TCP11L2: variants seen among roughly 807,000 people sequenced by gnomAD.
The protein encoded by TCP11L2 is t-complex 11 like 2.
TCP11L2 carries 39 observed loss-of-function variants against 50.7 expected under a neutral mutation model. The observed-to-expected ratio is 0.77, with a 90% confidence interval of 0.60 to 1.01. TCP11L2 has a LOEUF of 1.01. TCP11L2 is among the 50% of genes least tolerant of loss of function. TCP11L2 has a pLI of 0.00. For synonymous variants in TCP11L2, 192 were observed against 219.3 expected, an observed-to-expected ratio of 0.88 and a Z score of 1.10; for missense variants, 612 against 614.7, an observed-to-expected ratio of 1.00 and a Z score of 0.05.
At chr12:106,340,611 C>T (rs1457108085) in intron 8 of TCP11L2, among the ~76,000 whole-genome samples, 4 of 152,200 alleles carry the variant, frequency 2.6e-5, no homozygotes, top group African/African-American at 9.6e-5. Flanking sequence ...TTAAACACTG[C>T]TACACAATTT....
At chr12:106,326,915 T>G (rs1028199013) in intron 6 of TCP11L2, among the ~76,000 whole-genome samples, 2 of 152,176 alleles carry the variant, frequency 1.3e-5, no homozygotes, top group African/African-American at 4.8e-5. Flanking sequence ...TTGTTTTAGC[T>G]TCAAAGGGGA....
At chr12:106,339,315 T>C (rs995923600) in intron 8 of TCP11L2, among the ~76,000 whole-genome samples, 1 of 152,244 alleles carries the variant, frequency 6.6e-6, no homozygotes, top group Non-Finnish European at 1.5e-5. Context: ...CCTTTGCCCA[T>C]TTTTTAATGA....
chr12:106,299,624 T>C (rs2034381752), upstream of TCP11L2, among the ~76,000 whole-genome samples: 1 of 152,084 alleles, frequency 6.6e-6, no homozygotes. Flanking sequence ...GGAAAGAAGC[T>C]TGGAACATAA....
intron 6 of TCP11L2, among the ~76,000 whole-genome samples, chr12:106,332,688 A>G (rs1471780295): frequency 6.6e-6 from 1 of 152,186 alleles, no homozygotes. Flanking sequence ...TCTTCCTGGC[A>G]CTGCAGACAT....
intron 6 of TCP11L2, chr12:106,329,400 C>A: frequency 1.3e-6 from 2 of 1,535,950 alleles, no homozygotes; most frequent in Non-Finnish European, 1.7e-6. Flanking sequence ...AGTCACCGTG[C>A]CAGCCTGTGA....
Position 106,323,540 on chromosome 12 carries a change from A to C in TCP11L2, c.666A>C (p.Gln222His), listed in dbSNP as rs2035419706. ...RQIFHVLDLM[Q>H]MDMANFTIMS... ...TATTCCATGTCCTGGACCTCATGCA[A>C]ATGGACATGGCCAATTTTACAATTA... is the stretch of plus-strand genomic sequence containing the variant. Residue 222 changes from glutamine (Q) to histidine (H), a missense_variant, in exon 6 of 10, where the codon CAA becomes CAC. Coordinates refer to ENST00000299045, the MANE Select transcript of TCP11L2 (RefSeq NM_152772.3). 1 of 1,608,096 alleles carries C rather than the reference A, an allele frequency of 6.2e-7. No individual in the cohort carries two copies. The highest frequency in any genetic ancestry group is 1.1e-5 in the South Asian group (1 of 90,106).
chr12:106,309,184 G>A (rs976538215), intron 1 of TCP11L2, among the ~76,000 whole-genome samples: 8 of 152,220 alleles, frequency 5.3e-5, no homozygotes, highest in Admixed American at 4.6e-4. Flanking sequence ...GGGTTTGGTG[G>A]CAGTGAAAGG....
At position 106,311,240 on chromosome 12, in the gene TCP11L2, G is replaced by A. The variant is rs771557746; in HGVS notation, c.157+8G>A. On this transcript the variant is annotated splice_region_variant and intron_variant, in intron 2 of 9. Coordinates refer to ENST00000299045, the MANE Select transcript of TCP11L2 (RefSeq NM_152772.3). The stretch of plus-strand genomic sequence containing the variant: ...AATCCAGCTCTCCTGCTTGTGAGCC[G>A]ATGGGGGAGCAGGGGTTGTGGGTGG... 5.0e-6 allele frequency: 8 copies of A among 1,612,970 alleles called. No individual in the cohort carries two copies. Among genetic ancestry groups the A allele is most frequent in the South Asian group, 1.1e-5 (1 of 91,036 alleles).
rs570633624 is a variant in TCP11L2 at position 106,337,204 on chromosome 12, C to T, written c.1142+991C>T. Among the ~76,000 whole-genome samples, 25 of 152,246 alleles carry T rather than the reference C, an allele frequency of 1.6e-4. No individual in the cohort carries two copies. In the South Asian group the frequency reaches 3.7e-3, roughly 23 times the overall value. On this transcript the variant is annotated intron_variant, in intron 8 of 9. Transcript: ENST00000299045. Reference sequence around the variant, plus strand: ...ATTCCTGTAATTGAAGGGAAATGCACCTGTCTTCTCATCCTCCCACCTATT... The same window carrying T: ...ATTCCTGTAATTGAAGGGAAATGCATCTGTCTTCTCATCCTCCCACCTATT...
chr12:106,299,609 C>A (rs1457862165), upstream of TCP11L2, among the ~76,000 whole-genome samples: 2 of 152,096 alleles, frequency 1.3e-5, no homozygotes, highest in African/African-American at 4.8e-5. Flanking sequence ...ATGAAGCCAG[C>A]CGTGGGAAAG....
At chr12:106,323,417 G>A in intron 5 of TCP11L2, 93 bp from the exon 6 acceptor site, 1 of 1,174,732 alleles carries the variant, frequency 8.5e-7, no homozygotes, top group African/African-American at 1.6e-5. Flanking sequence ...TTTTGGGGAT[G>A]TTTATTGTTT....
At chr12:106,315,373 C>G (rs1400393787) in intron 3 of TCP11L2, among the ~76,000 whole-genome samples, 1 of 152,168 alleles carries the variant, frequency 6.6e-6, no homozygotes, top group Non-Finnish European at 1.5e-5. Context: ...TACAATTAAT[C>G]CCTTTGCTAC....
chr12:106,338,455 G>T (rs1293189174), intron 8 of TCP11L2, among the ~76,000 whole-genome samples: 6 of 152,178 alleles, frequency 3.9e-5, no homozygotes, highest in South Asian at 2.1e-4. Flanking sequence ...TTAGGATAAT[G>T]GTCTCCAGTT....
chr12:106,336,313 G>T, intron 8 of TCP11L2, 100 bp downstream of exon 8: 2 of 1,140,956 alleles, frequency 1.8e-6, no homozygotes, highest in Non-Finnish European at 2.4e-6. Flanking sequence ...TGAGATTCAG[G>T]ACTGTGCTTT....
At chr12:106,310,928 G>T (rs897331111) in intron 1 of TCP11L2, 113 bp from the exon 2 acceptor site, 5 of 905,698 alleles carry the variant, frequency 5.5e-6, no homozygotes, top group African/African-American at 5.0e-5. Context: ...TCATCTGGGG[G>T]CCTTTCCAAC....
In TCP11L2 at chr12:106,346,447, C is replaced by T. The variant is rs149399749; in HGVS notation, c.1477C>T (p.Pro493Ser). ...GAATCTCAACAAACAAGTGTATGGA[C>T]CATTTTATGCAAATATACTTCGAAA... Reference protein sequence around the residue: ...IVNLNKQVYGPFYANILRKLL... With the variant: ...IVNLNKQVYGSFYANILRKLL... The change falls in exon 10 of 10, where the codon CCA becomes TCA. Residue 493 changes from proline to serine, a missense_variant. Pro to Ser is a moderately conservative substitution (Grantham distance 74). Coordinates refer to ENST00000299045, the MANE Select transcript of TCP11L2 (RefSeq NM_152772.3). 1 of 1,614,004 alleles carries T rather than the reference C, an allele frequency of 6.2e-7. No homozygotes were observed. Among genetic ancestry groups the T allele is most frequent in the Non-Finnish European group, 8.5e-7 (1 of 1,180,020 alleles).
chr12:106,340,836 T>C lies in TCP11L2; in HGVS notation c.1153T>C (p.Leu385=), dbSNP rs1565861848. Residue 385 remains leucine (L), a synonymous_variant, in exon 9 of 10, where the codon TTG becomes CTG. Transcript: ENST00000299045. The stretch of plus-strand genomic sequence containing the variant: ...TTTTATGTTTCATAGGACCTTTAAC[T>C]TGAAGGAAGTCCTGAATTCTATTGG... ...LEGMNKETFN[L]KEVLNSIGIQ... 5 of 1,594,016 alleles carry C rather than the reference T, an allele frequency of 3.1e-6. No individual in the cohort carries two copies. Among genetic ancestry groups the C allele is most frequent in the African/African-American group, 1.4e-5 (1 of 73,798 alleles).
intron 4 of TCP11L2, among the ~76,000 whole-genome samples, chr12:106,321,132 G>A (rs996800032): frequency 3.3e-5 from 5 of 152,064 alleles, no homozygotes; most frequent in African/African-American, 1.2e-4. Context: ...TCTTAAAATT[G>A]GTTTCATTAT....
At chr12:106,330,727 A>G in intron 6 of TCP11L2, among the ~76,000 whole-genome samples, 1 of 152,134 alleles carries the variant, frequency 6.6e-6, no homozygotes, top group East Asian at 1.9e-4. Context: ...TCAGCTAGTC[A>G]TGGCTGCTGG....
Sources: allele counts gnomAD v4.1 joint callset (sites outside exome capture counted in the v4.1 genomes callset), GRCh38; gene constraint gnomAD v4.1.1; transcripts MANE v1.5; gene names NCBI Gene and HGNC (gene_info 2026-07-23, HGNC 2026-07-21).